Variants in DIP2A observed in about 807,000 individuals in gnomAD.
DIP2A encodes DIP2 acetate--CoA ligase A.
DIP2A carries 85 observed loss-of-function variants against 177.4 expected under a neutral mutation model. The observed-to-expected ratio is 0.48, with a 90% CI of 0.40 to 0.57. The LOEUF is 0.57. DIP2A is among the 20% of genes least tolerant of loss of function. DIP2A has a pLI of 0.00. For missense variants in DIP2A, 1,791 were observed against 2,100.2 expected (o/e 0.85, Z 2.88); for synonymous variants, 886 against 881.8 (o/e 1.00, Z -0.08).
rs77993078 is a variant in DIP2A, at chr21:46,552,151, A to C, written c.3030+247A>C. Among the ~76,000 whole-genome samples the C allele has an allele frequency of 4.3e-4, 65 of 152,288 alleles. No homozygotes were observed. In the East Asian group the frequency reaches 0.012, roughly 27 times the overall value. On this transcript the variant is annotated intron_variant, in intron 25 of 37. Coordinates refer to ENST00000417564, the MANE Select transcript of DIP2A (RefSeq NM_015151.4). ...TTCTTGTTTTCCACACATTTCACACAATAGTATTTCTATTGATTTTGTGTT... is the reference window on the plus strand; with the variant it reads ...TTCTTGTTTTCCACACATTTCACACCATAGTATTTCTATTGATTTTGTGTT...
chr21:46,556,296 G>T lies in DIP2A; in HGVS notation c.3498+205G>T. 6.6e-7 allele frequency: 1 copy of T among 1,510,066 alleles called. No individual in the cohort carries two copies. Among genetic ancestry groups the T allele is most frequent in the East Asian group, 2.6e-5 (1 of 38,026 alleles). 93.5% of individuals were successfully genotyped at this position (1,510,066 alleles called of 1,614,324 possible). A position where few individuals can be genotyped will look rare whatever the true frequency, so the allele number is the denominator to read the frequency against. The stretch of plus-strand genomic sequence containing the variant: ...GTAATGCGTTTTCTGATGCATTATG[G>T]TTATGTCTAAACTTTCTGATTTATG... On this transcript the variant is annotated intron_variant, in intron 29 of 37. Transcript: ENST00000417564. This position sits in a 1 kb window ranked among gnomAD's most constrained non-coding sequence, Gnocchi z 4.5.
chr21:46,560,744 CA>C lies in DIP2A; in HGVS notation c.3994del (p.Thr1332ProfsTer17). 6.2e-7 allele frequency: 1 copy of C among 1,609,494 alleles called. No homozygotes were observed. Among genetic ancestry groups the C allele is most frequent in the African/African-American group, 1.3e-5 (1 of 74,986 alleles). Reference sequence around the variant, plus strand: ...CAGGGCACAGCTGGCCCGGACCCCACAACCGTCTACGTGGACATGCGGGCAC... The same window carrying C: ...CAGGGCACAGCTGGCCCGGACCCCACACCGTCTACGTGGACATGCGGGCAC... Reference protein sequence around the residue: ...CLQGTAGPDPTTVYVDMRALR... With the variant: ...CLQGTAGPDPXTVYVDMRALR... On this transcript the variant is annotated frameshift_variant, in exon 33 of 38. Coordinates refer to ENST00000417564, the MANE Select transcript of DIP2A (RefSeq NM_015151.4). LOFTEE classifies it high-confidence loss of function.
chr21:46,469,875 C>T (rs1282175551), intron 1 of DIP2A, among the ~76,000 whole-genome samples: 3 of 152,076 alleles, frequency 2.0e-5, no homozygotes. Context: ...GAGCATTAGC[C>T]ACGTGTGACT....
chr21:46,515,721 G>GTATTTT (rs1057327570), intron 8 of DIP2A, among the ~76,000 whole-genome samples: 1 of 151,900 alleles, frequency 6.6e-6, no homozygotes, highest in Non-Finnish European at 1.5e-5. Flanking sequence ...TATTTTTAGT[G>GTATTTT]TAGTCGAGGT....
intron 13 of DIP2A, among the ~76,000 whole-genome samples, chr21:46,535,602 AT>A (rs1370984863): frequency 6.6e-6 from 1 of 152,222 alleles, no homozygotes; most frequent in Non-Finnish European, 1.5e-5. Flanking sequence ...AAAGAAAAAA[AT>A]ATAGGTGTTT....
intron 8 of DIP2A, among the ~76,000 whole-genome samples, chr21:46,521,188 T>C (rs60353614): frequency 6.6e-6 from 1 of 152,186 alleles, no homozygotes; most frequent in South Asian, 2.1e-4. Context: ...ATCTTTGTTT[T>C]CTTTTCTTTT....
chr21:46,477,541 A>G (rs1181374075), intron 1 of DIP2A, among the ~76,000 whole-genome samples: 6 of 99,292 alleles, frequency 6.0e-5, no homozygotes, highest in African/African-American at 2.4e-4. Flanking sequence ...AAAAAAAAAG[A>G]TTTGTGTGTG....
intron 3 of DIP2A, 117 bp from the exon 4 acceptor site, chr21:46,496,871 A>T: frequency 9.9e-7 from 1 of 1,008,746 alleles, no homozygotes; most frequent in Non-Finnish European, 1.4e-6. Context: ...GAGGATAGAC[A>T]GAGAGAGCTT....
intron 35 of DIP2A, 92 bp downstream of exon 35, chr21:46,564,024 C>T (rs1278677322): frequency 4.8e-6 from 7 of 1,445,068 alleles, no homozygotes; most frequent in East Asian, 2.4e-5. Context: ...GAATTCTAAA[C>T]TTGCCTTTGG....
rs2060275902 is a variant in DIP2A at position 46,551,668 on chromosome 21, G to A, written c.2874G>A (p.Leu958=). Residue 958 remains leucine, a synonymous_variant, in exon 24 of 38, where the codon CTG becomes CTA. Coordinates refer to ENST00000417564, the MANE Select transcript of DIP2A (RefSeq NM_015151.4). ...VGPASMIVGN[L]VAGKRIAQAS... is the part of the protein sequence containing the mutation. ...CAGCCTCAATGATCGTGGGGAACCT[G>A]GTTGCTGGGAAGAGAATCGCTCAGG... 1.2e-6 allele frequency: 2 copies of A among 1,613,912 alleles called. No individual in the cohort carries two copies. Among genetic ancestry groups the A allele is most frequent in the South Asian group, 1.1e-5 (1 of 91,072 alleles).
chr21:46,534,144 A>G, intron 12 of DIP2A, 31 bp downstream of exon 12: 1 of 1,537,536 alleles, frequency 6.5e-7, no homozygotes, highest in African/African-American at 1.4e-5. Flanking sequence ...AGAGAATGTA[A>G]AAACATGTCC....
intron 1 of DIP2A, among the ~76,000 whole-genome samples, chr21:46,463,549 A>G (rs1157016437): frequency 4.6e-5 from 7 of 152,186 alleles, no homozygotes; most frequent in Non-Finnish European, 1.5e-5. Context: ...ATATTCTAAC[A>G]ATGCAGGACT....
chr21:46,530,050 A>G (rs2059291131), intron 9 of DIP2A, among the ~76,000 whole-genome samples: 1 of 152,182 alleles, frequency 6.6e-6, no homozygotes, highest in South Asian at 2.1e-4. Flanking sequence ...TGTGGCTAGT[A>G]GCTACTGTAT....
In DIP2A at chr21:46,567,413, C is replaced by G. The variant is rs755434368; in HGVS notation, c.4507C>G (p.Leu1503Val). Residue 1503 changes from leucine (L) to valine (V), a missense_variant, in exon 38 of 38, where the codon CTG (leucine) becomes GTG (valine). Physicochemically the swap from Leu to Val is conservative, Grantham distance 32 (BLOSUM62 1). Coordinates refer to ENST00000417564, the MANE Select transcript of DIP2A (RefSeq NM_015151.4). The part of the protein sequence containing the change: ...WTNLLVVVVE[L>V]DGLEQDALDL... ...CAACCTGCTGGTGGTGGTGGTGGAG[C>G]TGGATGGGCTAGAGCAGGATGCCCT... is the stretch of plus-strand genomic sequence containing the variant. 1.1e-5 allele frequency: 17 copies of G among 1,613,856 alleles called. No homozygotes were observed. Among genetic ancestry groups the G allele is most frequent in the East Asian group, 2.2e-5 (1 of 44,886 alleles).
At chr21:46,518,548 C>G (rs2058683652) in intron 8 of DIP2A, among the ~76,000 whole-genome samples, 1 of 152,136 alleles carries the variant, frequency 6.6e-6, no homozygotes, top group Non-Finnish European at 1.5e-5. Context: ...CCCCTTGAAT[C>G]TTTTACACAT....
In DIP2A at chr21:46,490,638, G is replaced by T; in HGVS notation, c.202G>T (p.Gly68Trp). 6.3e-7 allele frequency: 1 copy of T among 1,584,632 alleles called. No individual in the cohort carries two copies. ...TCTGCAAGCAGAGAATAGAATTCCT[G>T]GGCCCTCACAAACCACGGCCGCTGC... ...PSLQAENRIP[G>W]PSQTTAAAPK... The change falls in exon 3 of 38, where the codon GGG becomes TGG. Residue 68 changes from glycine to tryptophan, a missense_variant. By Grantham distance (184) the Gly-to-Trp change is radical (BLOSUM62 -2). Coordinates refer to ENST00000417564, the MANE Select transcript of DIP2A (RefSeq NM_015151.4).
At position 46,534,576 on chromosome 21, in the gene DIP2A, A is replaced by T. The variant is rs779046738; in HGVS notation, c.1540-9A>T. On this transcript the variant is annotated splice_polypyrimidine_tract_variant and intron_variant, in intron 12 of 37. Transcript: ENST00000417564. ...ACCACATCATGTTTTTTTCCTTGAAATCTTTCAGTATAAAACCAGCAAAGA... is the reference window on the plus strand; with the variant it reads ...ACCACATCATGTTTTTTTCCTTGAATTCTTTCAGTATAAAACCAGCAAAGA... 1.9e-6 allele frequency: 3 copies of T among 1,612,056 alleles called. No individual in the cohort carries two copies. The South Asian group carries it at 3.3e-5, about 18-fold the overall frequency.
At chr21:46,534,325 C>A (rs1280737787) in intron 12 of DIP2A, among the ~76,000 whole-genome samples, 1 of 152,176 alleles carries the variant, frequency 6.6e-6, no homozygotes, top group Non-Finnish European at 1.5e-5. Context: ...CTAACTGGCT[C>A]CCTGGGGATG....
chr21:46,547,845 T>C (rs1013448302), intron 21 of DIP2A, among the ~76,000 whole-genome samples: 1 of 151,778 alleles, frequency 6.6e-6, no homozygotes, highest in Non-Finnish European at 1.5e-5. Context: ...ATTTTTTAAT[T>C]TTTTTGTAGA....
Sources: allele counts gnomAD v4.1 joint callset (sites outside exome capture counted in the v4.1 genomes callset), GRCh38; gene constraint gnomAD v4.1.1; non-coding constraint Gnocchi (gnomAD v3.1); transcripts MANE v1.5; gene names NCBI Gene and HGNC (gene_info 2026-07-23, HGNC 2026-07-21).